The following ACAD10 variants were observed in gnomAD, a reference collection of about 807,000 sequenced individuals.
The protein encoded by ACAD10 is acyl-CoA dehydrogenase family member 10, also known as ACAD-10.
In ACAD10, 112 loss-of-function variants were observed where a neutral mutation model predicts 116.8. The ratio of observed to expected loss-of-function variants is 0.96; its 90% CI spans 0.82 to 1.12. ACAD10 has a LOEUF of 1.12. ACAD10 is among the 50% of genes most tolerant of loss of function. The pLI is 0.00. For missense variants in ACAD10, 1,259 were observed against 1,350.2 expected (o/e 0.93, Z 1.06); for synonymous variants, 486 against 510.6 (o/e 0.95, Z 0.65).
intron 2 of ACAD10, among the ~76,000 whole-genome samples, chr12:111,701,577 A>G (rs182619656): frequency 6.6e-6 from 1 of 152,226 alleles, no homozygotes; most frequent in African/African-American, 2.4e-5. Flanking sequence ...AGGCACGAGA[A>G]TCAGTTGTAC....
chr12:111,713,798 GT>G (rs1888760713), intron 6 of ACAD10, among the ~76,000 whole-genome samples: 1 of 151,306 alleles, frequency 6.6e-6, no homozygotes, highest in African/African-American at 2.4e-5. Flanking sequence ...TTAGCTAGGT[GT>G]TTTGGCGGGC....
intron 2 of ACAD10, among the ~76,000 whole-genome samples, chr12:111,694,221 C>T (rs1174305441): frequency 6.6e-6 from 1 of 152,188 alleles, no homozygotes; most frequent in Non-Finnish European, 1.5e-5. Flanking sequence ...GCTCCAGCCT[C>T]AGTTGGGCCA....
At chr12:111,714,942 C>T (rs1888797544) in intron 6 of ACAD10, among the ~76,000 whole-genome samples, 1 of 152,084 alleles carries the variant, frequency 6.6e-6, no homozygotes, top group South Asian at 2.1e-4. Flanking sequence ...TCTCAAACTC[C>T]TAATCTCAGG....
chr12:111,692,581 A>G, intron 1 of ACAD10, 116 bp from the exon 2 acceptor site: 2 of 1,021,940 alleles, frequency 2.0e-6, no homozygotes, highest in South Asian at 3.2e-5. Flanking sequence ...GTGTGATTCG[A>G]AGTGCCTGTT....
At chr12:111,693,218 G>A in intron 2 of ACAD10, 1 of 278,790 alleles carries the variant, frequency 3.6e-6, no homozygotes, top group Non-Finnish European at 6.9e-6. Flanking sequence ...AATCAATGAT[G>A]AGCTGCCATG....
chr12:111,711,778 C>T (rs1318666768), intron 5 of ACAD10, among the ~76,000 whole-genome samples: 1 of 152,188 alleles, frequency 6.6e-6, no homozygotes, highest in Non-Finnish European at 1.5e-5. Context: ...TCCCAAAGTG[C>T]TGGGATTACA....
intron 14 of ACAD10, among the ~76,000 whole-genome samples, 197 bp downstream of exon 14, chr12:111,746,481 G>C (rs111521680): frequency 7.2e-5 from 11 of 151,910 alleles, no homozygotes; most frequent in African/African-American, 2.7e-4. Flanking sequence ...CCTGCCTCCT[G>C]GGTTCAAGTG....
chr12:111,702,500 G>A (rs1419824413), intron 3 of ACAD10, among the ~76,000 whole-genome samples, 190 bp downstream of exon 3: 2 of 151,918 alleles, frequency 1.3e-5, no homozygotes, highest in African/African-American at 2.4e-5. Flanking sequence ...GGAGGCCCAG[G>A]GGGTGGATCA....
chr12:111,735,285 GTTTCCAATT>G (rs1889515661), intron 11 of ACAD10, among the ~76,000 whole-genome samples: 1 of 151,282 alleles, frequency 6.6e-6, no homozygotes, highest in Non-Finnish European at 1.5e-5. Context: ...TATTTAATTT[GTTTCCAATT>G]TTTTAGTATT....
At chr12:111,700,709 G>A (rs1025768983) in intron 2 of ACAD10, among the ~76,000 whole-genome samples, 1 of 144,564 alleles carries the variant, frequency 6.9e-6, no homozygotes, top group Admixed American at 6.9e-5. Flanking sequence ...AGATAGGACT[G>A]CTTGTCCTTT....
In ACAD10 at chr12:111,727,943, C is replaced by T. The variant is rs1204271758; in HGVS notation, c.1062-19C>T. ...CATTATGACTCTGATCCCTGAAACCCCTTCTGTGTTCCTCCCAGTGTCATT... is the reference window on the plus strand; with the variant it reads ...CATTATGACTCTGATCCCTGAAACCTCTTCTGTGTTCCTCCCAGTGTCATT... On this transcript the variant is annotated intron_variant, in intron 8 of 20. Coordinates refer to ENST00000313698, the MANE Select transcript of ACAD10 (RefSeq NM_025247.6). The T allele has an allele frequency of 1.9e-6, 3 of 1,595,032 alleles. No homozygotes were observed. The highest frequency in any genetic ancestry group is 2.6e-6 in the Non-Finnish European group (3 of 1,171,976).
chr12:111,696,864 G>A (rs7959942), intron 2 of ACAD10, among the ~76,000 whole-genome samples: 2,378 of 152,176 alleles, frequency 0.016, 71 homozygotes, highest in African/African-American at 0.054. Flanking sequence ...GGTGGATCAC[G>A]AGGTCAGGAG....
chr12:111,754,227 C>CT (rs1593059466), intron 19 of ACAD10, among the ~76,000 whole-genome samples: 1 of 152,242 alleles, frequency 6.6e-6, no homozygotes, highest in East Asian at 1.9e-4. Flanking sequence ...AAAAGGGACC[C>CT]TCTGCTGGCC....
At chr12:111,715,467 T>A (rs920631228) in intron 6 of ACAD10, 5 of 253,676 alleles carry the variant, frequency 2.0e-5, no homozygotes, top group Non-Finnish European at 2.3e-5. Context: ...GCAAGATGGG[T>A]TGCCATGGCT....
chr12:111,710,418 C>T (rs554600613), intron 5 of ACAD10: 15 of 352,148 alleles, frequency 4.3e-5, no homozygotes, highest in East Asian at 3.2e-4. Context: ...TTTTCATCGT[C>T]GAGCTGATGG....
chr12:111,731,354 T>A (rs1889380321), intron 10 of ACAD10, among the ~76,000 whole-genome samples: 1 of 152,240 alleles, frequency 6.6e-6, no homozygotes, highest in Non-Finnish European at 1.5e-5. Flanking sequence ...GACCCCCTCC[T>A]CCATCTTCTT....
At chr12:111,689,494 C>G (rs1204379263) in intron 1 of ACAD10, among the ~76,000 whole-genome samples, 2 of 151,890 alleles carry the variant, frequency 1.3e-5, no homozygotes, top group Non-Finnish European at 2.9e-5. Context: ...GTCCCAGCCT[C>G]CCGAGTATCT....
chr12:111,723,554 G>A (rs1467151854), intron 8 of ACAD10, among the ~76,000 whole-genome samples: 6 of 132,144 alleles, frequency 4.5e-5, no homozygotes, highest in South Asian at 4.8e-4. Flanking sequence ...AGGCAGAGGC[G>A]CCCCTCACCT....
At chr12:111,706,665 G>A (rs997610577) in intron 4 of ACAD10, among the ~76,000 whole-genome samples, 4 of 150,382 alleles carry the variant, frequency 2.7e-5, no homozygotes, top group East Asian at 2.0e-4. Flanking sequence ...TGGCCAGGCT[G>A]GTCTCGAACT....
Sources: gnomAD v4.1 joint callset for allele counts (sites outside exome capture counted in the v4.1 genomes callset) on GRCh38, gnomAD v4.1.1 for gene constraint, MANE v1.5 for transcripts, NCBI Gene and HGNC (gene_info 2026-07-23, HGNC 2026-07-21) for gene names.